The following NPAS3 variants were observed in gnomAD, a reference collection of about 807,000 sequenced individuals.
NPAS3 encodes the protein neuronal PAS domain-containing protein 3.
Under a neutral mutation model 73.1 loss-of-function variants are expected in NPAS3, and 14 were observed. The observed-to-expected ratio is 0.19, with a 90% confidence interval of 0.13 to 0.30. NPAS3 has a LOEUF of 0.30. NPAS3 is among the 10% of genes least tolerant of loss of function. The pLI, the probability that NPAS3 is intolerant of heterozygous loss-of-function variation, is 1.00. For missense variants in NPAS3, 1,096 were observed against 1,250.0 expected (o/e 0.88, Z 1.86); for synonymous variants, 620 against 541.5 (o/e 1.14, Z -2.01).
chr14:33,012,598 G>GA (rs368948391), intron 1 of NPAS3, among the ~76,000 whole-genome samples: 11 of 151,520 alleles, frequency 7.3e-5, no homozygotes, highest in African/African-American at 2.2e-4. Flanking sequence ...GCCTGGGCTG[G>GA]AGTACAGTGG....
At chr14:32,988,391 ATAG>A (rs543616279) in intron 1 of NPAS3, among the ~76,000 whole-genome samples, 1 of 152,212 alleles carries the variant, frequency 6.6e-6, no homozygotes, top group Non-Finnish European at 1.5e-5. Context: ...TTGGTATACG[ATAG>A]TAGTTTAGAA....
chr14:33,180,062 T>A (rs1337690359), intron 2 of NPAS3, among the ~76,000 whole-genome samples: 7 of 152,204 alleles, frequency 4.6e-5, no homozygotes, highest in Admixed American at 3.9e-4. Flanking sequence ...GCATTCTATT[T>A]TTTCTCAGCA....
chr14:33,024,126 A>ATGTG (rs756407576), intron 1 of NPAS3, among the ~76,000 whole-genome samples: 3 of 144,368 alleles, frequency 2.1e-5, no homozygotes, highest in Non-Finnish European at 4.5e-5. Flanking sequence ...GTGTATATAT[A>ATGTG]TGTGTGTGTG....
intron 3 of NPAS3, among the ~76,000 whole-genome samples, chr14:33,239,975 C>G (rs1296323264): frequency 6.6e-6 from 1 of 151,836 alleles, no homozygotes; most frequent in Admixed American, 6.6e-5. Context: ...TAAGGGCCTA[C>G]TATATTTTCC....
intron 4 of NPAS3, among the ~76,000 whole-genome samples, chr14:33,378,945 A>T (rs1263706629): frequency 6.6e-6 from 1 of 152,218 alleles, no homozygotes; most frequent in Non-Finnish European, 1.5e-5. Context: ...AAAATCCAAA[A>T]TCCGAAATGC....
intron 3 of NPAS3, among the ~76,000 whole-genome samples, chr14:33,318,089 C>T (rs1205337961): frequency 2.0e-5 from 3 of 151,894 alleles, no homozygotes; most frequent in African/African-American, 7.3e-5. Flanking sequence ...GTGACAACAA[C>T]CCAGATATTC....
Position 33,012,960 on chromosome 14 carries a change from G to A in NPAS3, c.51-42945G>A, listed in dbSNP as rs553306962. On this transcript the variant is annotated intron_variant, in intron 1 of 11. Transcript: ENST00000356141. Reference sequence around the variant, plus strand: ...GTATCATGAGTAGTGGAATCTGAGCGTTCTTGGGGACTGAGAAAGCAGTGG... The same window carrying A: ...GTATCATGAGTAGTGGAATCTGAGCATTCTTGGGGACTGAGAAAGCAGTGG... Among the ~76,000 whole-genome samples, 10 of 152,272 alleles carry A rather than the reference G, an allele frequency of 6.6e-5. 1 individual carries two copies. The highest frequency in any genetic ancestry group is 6.8e-3 in the Middle Eastern group (2 of 294).
At chr14:33,400,058 T>C (rs1257833058) in intron 4 of NPAS3, among the ~76,000 whole-genome samples, 2 of 152,136 alleles carry the variant, frequency 1.3e-5, no homozygotes, top group African/African-American at 4.8e-5. Flanking sequence ...ACTTAAGAAG[T>C]TTTTGAGGCT....
chr14:33,500,332 T>TTC (rs1266107154), intron 4 of NPAS3, among the ~76,000 whole-genome samples: 2 of 151,860 alleles, frequency 1.3e-5, no homozygotes, highest in African/African-American at 4.8e-5. Context: ...CTACATGAAT[T>TTC]TCTCTCTGGG....
chr14:33,746,072 G>T (rs1377091893), intron 7 of NPAS3, among the ~76,000 whole-genome samples: 1 of 152,112 alleles, frequency 6.6e-6, no homozygotes, highest in East Asian at 1.9e-4. Flanking sequence ...GAACCTGCGG[G>T]GAAGGCAAAC....
At chr14:33,256,061 A>G (rs1484103815) in intron 3 of NPAS3, among the ~76,000 whole-genome samples, 1 of 152,230 alleles carries the variant, frequency 6.6e-6, no homozygotes, top group East Asian at 1.9e-4. Flanking sequence ...AATAAGAACC[A>G]ATAGATTACC....
At chr14:33,533,451 G>A (rs549419855) in intron 4 of NPAS3, among the ~76,000 whole-genome samples, 12 of 152,222 alleles carry the variant, frequency 7.9e-5, no homozygotes, top group African/African-American at 2.6e-4. Flanking sequence ...GGCCAAGTTC[G>A]AAAAGACTGA....
At chr14:33,768,834 G>A (rs2062549614) in intron 7 of NPAS3, among the ~76,000 whole-genome samples, 1 of 152,062 alleles carries the variant, frequency 6.6e-6, no homozygotes, top group Non-Finnish European at 1.5e-5. Flanking sequence ...TAGTTTCATG[G>A]CTCTTGACAT....
chr14:33,388,786 G>T (rs141704779), intron 4 of NPAS3, among the ~76,000 whole-genome samples: 209 of 152,202 alleles, frequency 1.4e-3, no homozygotes, highest in African/African-American at 4.8e-3. Context: ...TATGAACCTA[G>T]CAATCTGTTC....
intron 5 of NPAS3, among the ~76,000 whole-genome samples, chr14:33,672,439 C>T (rs1471170747): frequency 6.6e-6 from 1 of 151,920 alleles, no homozygotes; most frequent in Non-Finnish European, 1.5e-5. Flanking sequence ...TTGTAATATA[C>T]CTACTAAACA....
At chr14:33,529,981 C>T (rs772629311) in intron 4 of NPAS3, among the ~76,000 whole-genome samples, 1 of 152,106 alleles carries the variant, frequency 6.6e-6, no homozygotes, top group Admixed American at 6.6e-5. Flanking sequence ...AGGCATCTGT[C>T]CCATTCGGTG....
chr14:33,157,099 G>A (rs1004357717), intron 2 of NPAS3, among the ~76,000 whole-genome samples: 1 of 152,112 alleles, frequency 6.6e-6, no homozygotes, highest in African/African-American at 2.4e-5. Context: ...TCAAAAATTT[G>A]CTATTCAATC....
At chr14:33,578,803 C>T (rs1275008109) in intron 5 of NPAS3, among the ~76,000 whole-genome samples, 1 of 152,166 alleles carries the variant, frequency 6.6e-6, no homozygotes, top group South Asian at 2.1e-4. Flanking sequence ...CCAATTTATT[C>T]ATCATCTAAT....
chr14:33,185,766 G>A lies in NPAS3; in HGVS notation c.141-29416G>A, dbSNP rs188238403. ...TTCAGAAGAGAGCCACTCGGGAACT[G>A]AAGATGTTCTTTTTGGTTCCTTTGG... On this transcript the variant is annotated intron_variant, in intron 2 of 11. Coordinates refer to ENST00000356141, the Ensembl canonical transcript of NPAS3. Among the ~76,000 whole-genome samples, 5 of 152,254 alleles carry A rather than the reference G, an allele frequency of 3.3e-5. No homozygotes were observed. The East Asian group carries it at 9.7e-4, about 29-fold the overall frequency.
Sources: allele counts gnomAD v4.1 joint callset (sites outside exome capture counted in the v4.1 genomes callset), GRCh38; gene constraint gnomAD v4.1.1; transcripts MANE v1.5; gene names NCBI Gene and HGNC (gene_info 2026-07-23, HGNC 2026-07-21).